The following PRDM15 variants were observed in gnomAD, a reference collection of about 807,000 sequenced individuals.
PRDM15 encodes PR domain zinc finger protein 15.
A neutral mutation model predicts 128.6 loss-of-function variants in PRDM15; 64 were observed. The observed-to-expected ratio is 0.50, with a 90% CI of 0.41 to 0.61. The LOEUF (loss-of-function observed/expected upper bound fraction) is 0.61. Ranked by LOEUF, PRDM15 falls within the 20% of genes least tolerant of loss-of-function variation. The pLI, the probability that PRDM15 is intolerant of heterozygous loss-of-function variation, is 0.00. For missense variants in PRDM15, 1,242 were observed against 1,569.1 expected (o/e 0.79, Z 3.52); for synonymous variants, 615 against 621.8 (o/e 0.99, Z 0.16).
intron 4 of PRDM15, among the ~76,000 whole-genome samples, chr21:41,855,727 C>T (rs1044464410): frequency 6.6e-6 from 1 of 152,210 alleles, no homozygotes; most frequent in Non-Finnish European, 1.5e-5. Context: ...CCAAAATGGG[C>T]ACAAAAGACT....
chr21:41,861,418 G>A (rs1676514302), intron 1 of PRDM15: 1 of 665,638 alleles, frequency 1.5e-6, no homozygotes. Context: ...GTTCATTCTG[G>A]GGCCTCACAT....
rs2063244983 is a variant in PRDM15 at position 41,845,765 on chromosome 21, A to G, written c.640+1325T>C. Reference sequence around the variant, plus strand: ...TGACATACAAGTAGAATTTCACTGAAAATATGAAGGAATTTCTTTTTTCTT... The same window carrying G: ...TGACATACAAGTAGAATTTCACTGAGAATATGAAGGAATTTCTTTTTTCTT... On this transcript the variant is annotated intron_variant, in intron 6 of 23. Transcript: ENST00000398548. Among the ~76,000 whole-genome samples the G allele has an allele frequency of 2.0e-5, 3 of 152,120 alleles. No individual in the cohort carries two copies. The South Asian group carries it at 6.2e-4, about 32-fold the overall frequency.
chr21:41,836,109 C>T lies in PRDM15; in HGVS notation c.1278+4G>A. The T allele has an allele frequency of 6.2e-7, 1 of 1,611,558 alleles. No individual in the cohort carries two copies. On this transcript the variant is annotated splice_donor_region_variant and intron_variant, in intron 10 of 23. Transcript: ENST00000398548. ...AAGAGAACCCTGGGCTTGTTTCCAC[C>T]CACCTCGTTCCTGCTGTGCTTGTAG...
At position 41,810,361 on chromosome 21, in the gene PRDM15, T is replaced by C; in HGVS notation, c.2477-32A>G. 6.3e-7 allele frequency: 1 copy of C among 1,594,886 alleles called. No individual in the cohort carries two copies. The highest frequency in any genetic ancestry group is 8.6e-7 in the Non-Finnish European group (1 of 1,167,958). ...ACACACACGCAGACACACATGCGCG[T>C]GGAAAGGAAGAGACACGCAGGTCAC... On this transcript the variant is annotated intron_variant, in intron 20 of 23. Coordinates refer to ENST00000398548, the MANE Select transcript of PRDM15 (RefSeq NM_001040424.3). The surrounding 1 kb of genome is among the most constrained non-coding windows in gnomAD (Gnocchi z 6.4).
intron 21 of PRDM15, among the ~76,000 whole-genome samples, chr21:41,807,302 T>C (rs998263778): frequency 3.9e-5 from 6 of 152,228 alleles, no homozygotes; most frequent in African/African-American, 1.4e-4. Context: ...TCCTAAAAGA[T>C]TCTGAATCTC....
At position 41,866,794 on chromosome 21, in the gene PRDM15, C is replaced by T. The variant is rs552946916; in HGVS notation, c.-9-6422G>A. Among the ~76,000 whole-genome samples the T allele has an allele frequency of 2.0e-5, 3 of 152,282 alleles. No individual in the cohort carries two copies. The East Asian group carries it at 5.8e-4, about 29-fold the overall frequency. ...CGCTTCCCCCCTTCCACACACACTA[C>T]ACAACAGAGGGTGCGACCGGGGCCT... On this transcript the variant is annotated intron_variant, in intron 1 of 23. Coordinates refer to ENST00000398548, the MANE Select transcript of PRDM15 (RefSeq NM_001040424.3).
intron 6 of PRDM15, among the ~76,000 whole-genome samples, chr21:41,846,403 T>C (rs1489490804): frequency 6.6e-6 from 1 of 152,094 alleles, no homozygotes; most frequent in Admixed American, 6.5e-5. Flanking sequence ...TCAACCTGAG[T>C]AGATAAAAAT....
At chr21:41,822,756 G>A (rs1187100636) in intron 14 of PRDM15, among the ~76,000 whole-genome samples, 1 of 152,162 alleles carries the variant, frequency 6.6e-6, no homozygotes, top group Admixed American at 6.5e-5. Flanking sequence ...GATTTGGGGT[G>A]GGGCATGGTG....
intron 6 of PRDM15, among the ~76,000 whole-genome samples, chr21:41,845,946 G>A (rs532992360): frequency 3.3e-5 from 5 of 152,168 alleles, no homozygotes; most frequent in African/African-American, 1.2e-4. Flanking sequence ...CAAACGCGGC[G>A]TTTCTAGAAA....
chr21:41,835,896 A>G lies in PRDM15; in HGVS notation c.1278+217T>C, dbSNP rs1384992272. Among the ~76,000 whole-genome samples the G allele has an allele frequency of 2.7e-5, 3 of 109,992 alleles. No individual in the cohort carries two copies. In the East Asian group the frequency reaches 7.9e-4, roughly 29 times the overall value. 72.2% of individuals were successfully genotyped at this position (109,992 alleles called of 152,430 possible). On this transcript the variant is annotated intron_variant, in intron 10 of 23. Transcript: ENST00000398548. ...TCTCCCTTCTCAGGGACACCTGGGC[A>G]CCCACAGCCCTCGCCCACTCTCCTC...
At chr21:41,823,872 A>G (rs2062374052) in intron 13 of PRDM15, among the ~76,000 whole-genome samples, 1 of 152,190 alleles carries the variant, frequency 6.6e-6, no homozygotes, top group Non-Finnish European at 1.5e-5. Context: ...GCACATTCCC[A>G]ATGTCTCTGA....
intron 1 of PRDM15, among the ~76,000 whole-genome samples, chr21:41,865,673 C>G (rs554396187): frequency 6.6e-6 from 1 of 152,336 alleles, no homozygotes; most frequent in African/African-American, 2.4e-5. Context: ...CCCCAAAAAG[C>G]TGACTCTTCC....
chr21:41,859,007 G>A lies in PRDM15; in HGVS notation c.131+585C>T. Reference sequence around the variant, plus strand: ...TCTACAGAGGCCACCGAGGTCCGGAGAGGAGTGCCTTGTCCAAGCTCACCT... The same window carrying A: ...TCTACAGAGGCCACCGAGGTCCGGAAAGGAGTGCCTTGTCCAAGCTCACCT... On this transcript the variant is annotated intron_variant, in intron 3 of 23. Coordinates refer to ENST00000398548, the MANE Select transcript of PRDM15 (RefSeq NM_001040424.3). This position sits in a 1 kb window ranked among gnomAD's most constrained non-coding sequence, Gnocchi z 5.3. 1.3e-6 allele frequency: 2 copies of A among 1,529,984 alleles called. No homozygotes were observed. Among genetic ancestry groups the A allele is most frequent in the Admixed American group, 2.0e-5 (1 of 50,548 alleles). 94.8% of individuals were successfully genotyped at this position (1,529,984 alleles called of 1,614,324 possible). A position where few individuals can be genotyped will look rare whatever the true frequency, so the allele number is the denominator to read the frequency against.
At chr21:41,819,781 G>A (rs2062185464) in intron 17 of PRDM15, 80 bp from the exon 18 acceptor site, 3 of 1,514,880 alleles carry the variant, frequency 2.0e-6, no homozygotes, top group Admixed American at 2.0e-5. Flanking sequence ...CCAAGGAGAG[G>A]GGCCCAGCCT....
intron 1 of PRDM15, 23 bp from the exon 2 acceptor site, chr21:41,860,395 C>T (rs778223646): frequency 6.2e-7 from 1 of 1,606,968 alleles, no homozygotes; most frequent in East Asian, 2.2e-5. Context: ...AAGAGAGCCT[C>T]ATTAATGACA....
chr21:41,834,169 G>A (rs2062788531), intron 11 of PRDM15, among the ~76,000 whole-genome samples: 1 of 152,132 alleles, frequency 6.6e-6, no homozygotes, highest in African/African-American at 2.4e-5. Context: ...TAAAGCTTAG[G>A]CAAAACATGA....
At chr21:41,809,234 CT>C (rs71332340) in intron 21 of PRDM15, among the ~76,000 whole-genome samples, 105 of 135,686 alleles carry the variant, frequency 7.7e-4, no homozygotes, top group South Asian at 1.9e-3. Context: ...CAAATTTTTT[CT>C]TTTTTTTTTT....
intron 19 of PRDM15, chr21:41,812,605 G>A (rs1202634381): frequency 6.6e-6 from 1 of 152,202 alleles, no homozygotes; most frequent in African/African-American, 2.4e-5. Context: ...CCCAAGCCTG[G>A]TCTTTAGACA....
chr21:41,867,438 C>G, intron 1 of PRDM15: 2 of 1,263,794 alleles, frequency 1.6e-6, no homozygotes, highest in Admixed American at 3.5e-5. Context: ...ACAGGTGAAA[C>G]ATACATGTTG....
Sources: gnomAD v4.1 joint callset for allele counts (sites outside exome capture counted in the v4.1 genomes callset) on GRCh38, gnomAD v4.1.1 for gene constraint, Gnocchi (gnomAD v3.1) non-coding constraint, MANE v1.5 for transcripts, NCBI Gene and HGNC (gene_info 2026-07-23, HGNC 2026-07-21) for gene names.